The following TMEM164 variants were observed in gnomAD, a reference collection of about 807,000 sequenced individuals.
TMEM164 encodes the protein transmembrane protein 164.
TMEM164 carries 4 observed loss-of-function variants against 18.8 expected under a neutral mutation model. The ratio of observed to expected loss-of-function variants is 0.21; its 90% CI spans 0.10 to 0.49. TMEM164 has a LOEUF of 0.49. TMEM164 is among the 20% of genes least tolerant of loss of function. The probability of loss-of-function intolerance (pLI) is 0.98; values close to 1 mark genes in which losing one functional copy is unlikely to be tolerated. For missense variants in TMEM164, 108 were observed against 239.9 expected (o/e 0.45, Z 3.63); for synonymous variants, 86 against 101.7 (o/e 0.85, Z 0.93).
chrX:110,117,917 A>G (rs1408423602), intron 4 of TMEM164, among the ~76,000 whole-genome samples: 1 of 111,441 alleles, frequency 9.0e-6, no homozygotes, highest in African/African-American at 3.3e-5. Flanking sequence ...ACTCCAGTAT[A>G]TTTCTTTCTC....
intron 4 of TMEM164, among the ~76,000 whole-genome samples, chrX:110,140,813 G>A (rs1179061168): frequency 8.9e-6 from 1 of 112,303 alleles, no homozygotes; most frequent in Non-Finnish European, 1.9e-5. Flanking sequence ...ATATTAGAGT[G>A]GAATTCCAGG....
intron 4 of TMEM164, among the ~76,000 whole-genome samples, chrX:110,117,926 T>TC (rs2066394708): frequency 8.9e-6 from 1 of 112,217 alleles, no homozygotes; most frequent in Non-Finnish European, 1.9e-5. Flanking sequence ...TATTTCTTTC[T>TC]CTTTTTTTTG....
chrX:110,074,426 T>C (rs186961238), intron 3 of TMEM164, among the ~76,000 whole-genome samples: 1 of 112,021 alleles, frequency 8.9e-6, no homozygotes, highest in Admixed American at 9.5e-5. Flanking sequence ...ACTCTGCTGA[T>C]AAGTTTCTTT....
intron 2 of TMEM164, among the ~76,000 whole-genome samples, chrX:110,042,095 G>A (rs1935120110): frequency 9.1e-6 from 1 of 109,819 alleles, no homozygotes; most frequent in Non-Finnish European, 1.9e-5. Flanking sequence ...AATTTCATTT[G>A]GGATGTTATG....
chrX:110,133,275 C>T (rs1416277894), intron 4 of TMEM164, among the ~76,000 whole-genome samples: 2 of 111,546 alleles, frequency 1.8e-5, no homozygotes, highest in Non-Finnish European at 3.8e-5. Context: ...CTCAGCCTCC[C>T]GAGTAGCTGA....
intron 3 of TMEM164, among the ~76,000 whole-genome samples, chrX:110,093,346 A>G (rs1276628906): frequency 9.0e-6 from 1 of 111,559 alleles, no homozygotes; most frequent in Non-Finnish European, 1.9e-5. Flanking sequence ...ATAGGCTATT[A>G]ATTATTGCCT....
intron 5 of TMEM164, among the ~76,000 whole-genome samples, chrX:110,155,323 A>G (rs1037307976): frequency 9.0e-6 from 1 of 110,544 alleles, no homozygotes; most frequent in Non-Finnish European, 1.9e-5. Flanking sequence ...ATCAATAGAG[A>G]TAACACAGGC....
intron 5 of TMEM164, among the ~76,000 whole-genome samples, chrX:110,161,314 A>G (rs141768719): frequency 9.0e-6 from 1 of 111,440 alleles, no homozygotes; most frequent in Non-Finnish European, 1.9e-5. Flanking sequence ...CCTCCCATCT[A>G]GCTAGTGTTA....
chrX:110,110,594 A>G (rs751562378), intron 4 of TMEM164, among the ~76,000 whole-genome samples: 1 of 112,384 alleles, frequency 8.9e-6, no homozygotes, highest in Non-Finnish European at 1.9e-5. Flanking sequence ...GATTTCATGC[A>G]ATGATTCTGA....
chrX:110,094,926 C>T lies in TMEM164; in HGVS notation c.441-14154C>T, dbSNP rs2065990681. ...TTGTCTGTAAAGGATTTTATTTCTC[C>T]TTCACTTATGAAGCTTAGTTTGGCT... is the stretch of plus-strand genomic sequence containing the variant. On this transcript the variant is annotated intron_variant, in intron 3 of 6. Transcript: ENST00000372068. Among the ~76,000 whole-genome samples the T allele has an allele frequency of 2.7e-5, 3 of 111,441 alleles. No homozygotes were observed. In the South Asian group the frequency reaches 1.1e-3, roughly 42 times the overall value.
chrX:110,138,787 A>C (rs996168023), intron 4 of TMEM164, among the ~76,000 whole-genome samples: 2 of 111,905 alleles, frequency 1.8e-5, no homozygotes, highest in Non-Finnish European at 3.8e-5. Flanking sequence ...TGGTATCTAG[A>C]ATCTCTCTGA....
intron 4 of TMEM164, among the ~76,000 whole-genome samples, chrX:110,135,694 C>T (rs773993365): frequency 4.5e-5 from 5 of 112,014 alleles, no homozygotes; most frequent in Non-Finnish European, 7.5e-5. Context: ...TTTTACTATA[C>T]AAATTTTCAA....
chrX:110,145,487 C>G (rs1026762150), intron 5 of TMEM164, among the ~76,000 whole-genome samples: 1 of 111,628 alleles, frequency 9.0e-6, no homozygotes, highest in Non-Finnish European at 1.9e-5. Context: ...TTATCCCTTC[C>G]CTCTATTGTG....
At chrX:110,030,112 T>G (rs1934398488) in intron 2 of TMEM164, among the ~76,000 whole-genome samples, 2 of 62,400 alleles carry the variant, frequency 3.2e-5, no homozygotes, top group African/African-American at 1.4e-4. Flanking sequence ...CTGTCTGTTT[T>G]TTTTTTTTTT....
chrX:110,122,129 T>C (rs2148007934), intron 4 of TMEM164, among the ~76,000 whole-genome samples: 1 of 110,551 alleles, frequency 9.0e-6, no homozygotes, highest in East Asian at 2.8e-4. Flanking sequence ...TGCACATGTA[T>C]GTTTATTGCG....
chrX:110,056,731 C>T, intron 2 of TMEM164, among the ~76,000 whole-genome samples: 1 of 111,735 alleles, frequency 8.9e-6, no homozygotes, highest in Admixed American at 9.5e-5. Context: ...TTTGGCCATG[C>T]TAGTGGGTAT....
chrX:110,090,134 T>A (rs2065903685), intron 3 of TMEM164, among the ~76,000 whole-genome samples: 1 of 110,906 alleles, frequency 9.0e-6, no homozygotes, highest in Admixed American at 9.6e-5. Context: ...AAAAAAAAAA[T>A]TCTGCAGTCT....
chrX:110,036,426 C>T lies in TMEM164; in HGVS notation c.391-30921C>T, dbSNP rs151024547. Among the ~76,000 whole-genome samples the T allele has an allele frequency of 3.6e-3, 402 of 112,182 alleles. 1 individual carries two copies. Among genetic ancestry groups the T allele is most frequent in the South Asian group, 8.8e-3 (24 of 2,736 alleles). On this transcript the variant is annotated intron_variant, in intron 2 of 6. Coordinates refer to ENST00000372068, the MANE Select transcript of TMEM164 (RefSeq NM_032227.4). ...TCTTTCTGCCCCTTTTTTTGGTTAT[C>T]TCTGTACTGGCTTTATGCCTATGGC...
intron 2 of TMEM164, among the ~76,000 whole-genome samples, chrX:110,009,161 G>A (rs1018047218): frequency 3.6e-5 from 4 of 111,943 alleles, no homozygotes; most frequent in African/African-American, 1.3e-4. Context: ...TATGTTGCTG[G>A]CCCCTACTCA....
Sources: gnomAD v4.1 joint callset for allele counts (sites outside exome capture counted in the v4.1 genomes callset) on GRCh38, gnomAD v4.1.1 for gene constraint, MANE v1.5 for transcripts, NCBI Gene and HGNC (gene_info 2026-07-23, HGNC 2026-07-21) for gene names.